The following ABLIM1 variants were observed in gnomAD, a reference collection of about 807,000 sequenced individuals.
ABLIM1 encodes actin-binding LIM protein 1.
ABLIM1 carries 40 observed loss-of-function variants against 107.0 expected under a neutral mutation model. The observed-to-expected ratio is 0.37, with a 90% confidence interval of 0.29 to 0.49. The LOEUF (loss-of-function observed/expected upper bound fraction) is 0.49, where lower values mean the gene tolerates loss of function less well. ABLIM1 is among the 20% of genes least tolerant of loss of function. The pLI is 0.97. For missense variants in ABLIM1, 857 were observed against 1,008.5 expected, an observed-to-expected ratio of 0.85 and a Z score of 2.04; for synonymous variants, 357 against 357.3, an observed-to-expected ratio of 1.00 and a Z score of 0.01.
intron 1 of ABLIM1, among the ~76,000 whole-genome samples, chr10:114,623,479 G>C (rs1381311579): frequency 1.3e-5 from 2 of 152,270 alleles, no homozygotes; most frequent in African/African-American, 4.8e-5. Flanking sequence ...TTTGCCATCT[G>C]TGCATGGTGA....
At position 114,432,425 on chromosome 10, in the gene ABLIM1, C is replaced by T. The variant is rs537754887; in HGVS notation, c.*3835G>A. 6.6e-6 allele frequency: 1 copy of T among 152,296 alleles called. No individual in the cohort carries two copies. The highest frequency in any genetic ancestry group is 1.9e-4 in the East Asian group (1 of 5,190). 9.4% of individuals were successfully genotyped at this position (152,296 alleles called of 1,614,324 possible). On this transcript the variant is annotated 3_prime_UTR_variant, in exon 23 of 23. Coordinates refer to ENST00000533213, the MANE Select transcript of ABLIM1 (RefSeq NM_002313.7). The stretch of plus-strand genomic sequence containing the variant: ...AGCGGTCACCTGTCTCTTCCATACA[C>T]AGGAGGATGCTAAGACCCAGTTAGC...
chr10:114,726,556 G>A (rs971253203), intron 1 of ABLIM1, among the ~76,000 whole-genome samples: 6 of 150,002 alleles, frequency 4.0e-5, no homozygotes, highest in African/African-American at 1.5e-4. Flanking sequence ...AGCACCCAGT[G>A]GATCACCTGA....
chr10:114,683,087 A>G (rs1346822313), intron 1 of ABLIM1, among the ~76,000 whole-genome samples: 1 of 152,232 alleles, frequency 6.6e-6, no homozygotes, highest in Non-Finnish European at 1.5e-5. Flanking sequence ...CATTCTAATT[A>G]ATATGCATAG....
intron 5 of ABLIM1, among the ~76,000 whole-genome samples, chr10:114,546,077 C>T (rs576359870): frequency 3.2e-4 from 49 of 152,176 alleles, no homozygotes; most frequent in African/African-American, 1.2e-3. Flanking sequence ...AGGAGGCCTC[C>T]GGAGCCCAGG....
chr10:114,508,846 A>T (rs545513420), intron 6 of ABLIM1, among the ~76,000 whole-genome samples: 4 of 152,226 alleles, frequency 2.6e-5, no homozygotes, highest in Non-Finnish European at 5.9e-5. Context: ...TTTGTCCCTG[A>T]GCCCTAAACT....
upstream of ABLIM1, among the ~76,000 whole-genome samples, chr10:114,687,592 A>C (rs1454940113): frequency 6.6e-6 from 1 of 152,172 alleles, no homozygotes; most frequent in Non-Finnish European, 1.5e-5. Flanking sequence ...GATACCTTAC[A>C]ACAGATTATG....
the ABLIM1 span, among the ~76,000 whole-genome samples, chr10:114,799,697 A>C: frequency 1.3e-5 from 2 of 152,212 alleles, no homozygotes; most frequent in African/African-American, 4.8e-5. Flanking sequence ...TTACTGAAAT[A>C]ATGTGAGCCC....
At chr10:114,676,303 A>G (rs2080480361) in intron 1 of ABLIM1, among the ~76,000 whole-genome samples, 1 of 152,032 alleles carries the variant, frequency 6.6e-6, no homozygotes, top group Admixed American at 6.6e-5. Context: ...ATGGCAAAAT[A>G]CCGTCTCTAC....
intron 1 of ABLIM1, among the ~76,000 whole-genome samples, chr10:114,624,669 CT>C (rs1337975945): frequency 6.6e-6 from 1 of 152,126 alleles, no homozygotes; most frequent in African/African-American, 2.4e-5. Flanking sequence ...TGTATTCCTT[CT>C]CTCATATTTA....
intron 1 of ABLIM1, among the ~76,000 whole-genome samples, chr10:114,697,648 A>T (rs1475811575): frequency 6.6e-6 from 1 of 152,226 alleles, no homozygotes; most frequent in African/African-American, 2.4e-5. Context: ...ACACAATAGA[A>T]ACAGAACAAG....
At chr10:114,484,223 CCTAA>C (rs1565528770) in intron 8 of ABLIM1, among the ~76,000 whole-genome samples, 1 of 152,112 alleles carries the variant, frequency 6.6e-6, no homozygotes, top group African/African-American at 2.4e-5. Flanking sequence ...GGAGAAGTTA[CCTAA>C]CTATGATGGG....
chr10:114,572,811 C>T (rs972115944), intron 3 of ABLIM1, among the ~76,000 whole-genome samples: 13 of 152,226 alleles, frequency 8.5e-5, no homozygotes, highest in Non-Finnish European at 1.5e-4. Flanking sequence ...ACACAACACG[C>T]ACAGGTTCTT....
At chr10:114,514,727 A>G (rs2062534244) in intron 6 of ABLIM1, among the ~76,000 whole-genome samples, 2 of 152,208 alleles carry the variant, frequency 1.3e-5, no homozygotes, top group South Asian at 4.1e-4. Context: ...TGCAGACTGC[A>G]TGAAAACCTA....
At chr10:114,594,703 C>T (rs2497660) in intron 2 of ABLIM1, among the ~76,000 whole-genome samples, 103,291 of 152,064 alleles carry the variant, frequency 0.68, 35,519 homozygotes, top group Middle Eastern at 0.74. Flanking sequence ...TGAGCCAAGA[C>T]TGTGCCACTG....
chr10:114,539,262 A>G (rs1274211961), intron 6 of ABLIM1, among the ~76,000 whole-genome samples: 1 of 152,128 alleles, frequency 6.6e-6, no homozygotes, highest in Non-Finnish European at 1.5e-5. Context: ...GGAGGGTGAG[A>G]CAGGCGAATC....
At chr10:114,477,292 G>A (rs991982085) in intron 8 of ABLIM1, among the ~76,000 whole-genome samples, 3 of 152,158 alleles carry the variant, frequency 2.0e-5, no homozygotes, top group East Asian at 1.9e-4. Flanking sequence ...TTTTTGTTGC[G>A]CTAGCTCTGT....
chr10:114,437,784 A>C, intron 22 of ABLIM1, 60 bp downstream of exon 22: 1 of 1,363,006 alleles, frequency 7.3e-7, no homozygotes, highest in Non-Finnish European at 1.0e-6. Context: ...TGCTTAGGGG[A>C]GAGTTGGGGG....
At chr10:114,620,848 G>C (rs2077421827) in intron 1 of ABLIM1, among the ~76,000 whole-genome samples, 1 of 152,158 alleles carries the variant, frequency 6.6e-6, no homozygotes. Context: ...TCCCTCCGTG[G>C]AACCTAGGAT....
At chr10:114,504,622 C>T (rs796440347) in intron 6 of ABLIM1, among the ~76,000 whole-genome samples, 17 of 152,076 alleles carry the variant, frequency 1.1e-4, no homozygotes, top group African/African-American at 4.1e-4. Flanking sequence ...TCCCTGGGAC[C>T]AGAAACAATG....
Sources: allele counts gnomAD v4.1 joint callset (sites outside exome capture counted in the v4.1 genomes callset), GRCh38; gene constraint gnomAD v4.1.1; transcripts MANE v1.5; gene names NCBI Gene and HGNC (gene_info 2026-07-23, HGNC 2026-07-21).